Variants in USP15 observed in about 807,000 individuals in gnomAD.
USP15 encodes the protein ubiquitin carboxyl-terminal hydrolase 15.
USP15 carries 18 observed loss-of-function variants against 127.1 expected under a neutral mutation model. The observed-to-expected ratio is 0.14, with a 90% CI of 0.10 to 0.21. The LOEUF (loss-of-function observed/expected upper bound fraction) is 0.21. Among genes scored for constraint, USP15 ranks in the 10% least tolerant of loss-of-function variants. The pLI is 1.00. For missense variants in USP15, 805 were observed against 1,159.9 expected, an observed-to-expected ratio of 0.69 and a Z score of 4.44; for synonymous variants, 364 against 393.7, an observed-to-expected ratio of 0.92 and a Z score of 0.89.
rs932462782 is a variant in USP15 at position 62,393,271 on chromosome 12, A to G, written c.2570+69A>G. ...TCAAACTTATTTGATGCTTTTTGTT[A>G]TTATCCTTTAGTAAACATCAGGTGC... On this transcript the variant is annotated intron_variant, in intron 19 of 21. Transcript: ENST00000280377. The G allele has an allele frequency of 5.2e-6, 8 of 1,550,540 alleles. No homozygotes were observed. In the African/African-American group the frequency reaches 1.1e-4, roughly 21 times the overall value.
chr12:62,364,049 A>G (rs1245404835), intron 8 of USP15, among the ~76,000 whole-genome samples: 1 of 152,108 alleles, frequency 6.6e-6, no homozygotes, highest in Non-Finnish European at 1.5e-5. Flanking sequence ...AATGTAGATC[A>G]GAGGCCTAAG....
In USP15 at chr12:62,367,147, A is replaced by G. The variant is rs539347067; in HGVS notation, c.915+11672A>G. Among the ~76,000 whole-genome samples the G allele has an allele frequency of 1.4e-4, 21 of 152,228 alleles. No individual in the cohort carries two copies. In the East Asian group the frequency reaches 2.3e-3, roughly 17 times the overall value. ...TTTGTACCTCTGGTAGAATTCGGCTATGAATACATGTGGTCCTGGAATGTT... is the reference window on the plus strand; with the variant it reads ...TTTGTACCTCTGGTAGAATTCGGCTGTGAATACATGTGGTCCTGGAATGTT... On this transcript the variant is annotated intron_variant, in intron 8 of 21. Transcript: ENST00000280377.
intron 6 of USP15, among the ~76,000 whole-genome samples, chr12:62,330,585 CAAAAA>C (rs559515896): frequency 1.0e-5 from 1 of 95,446 alleles, no homozygotes; most frequent in African/African-American, 3.7e-5. Flanking sequence ...GACTCCATCT[CAAAAA>C]AAAAAAAAAA....
chr12:62,264,646 T>C (rs1223869672), intron 1 of USP15, among the ~76,000 whole-genome samples: 2 of 152,214 alleles, frequency 1.3e-5, no homozygotes, highest in African/African-American at 2.4e-5. Flanking sequence ...TTTTTAGAGC[T>C]TTCTGTCCAT....
chr12:62,405,720 T>C lies in USP15; in HGVS notation c.*1345T>C, dbSNP rs1466846533. On this transcript the variant is annotated 3_prime_UTR_variant, in exon 22 of 22. Transcript: ENST00000280377. The stretch of plus-strand genomic sequence containing the variant: ...TGAGAAATTGCTTTGTGTCCCACTG[T>C]TATTAAAGCAAAAAGTATAATGTTC... The C allele has an allele frequency of 6.6e-6, 1 of 152,596 alleles. No homozygotes were observed. The highest frequency in any genetic ancestry group is 2.4e-5 in the African/African-American group (1 of 41,460). The allele number at this position is 152,596 out of a possible 1,614,324, so 9.5% of individuals were successfully genotyped here.
chr12:62,325,800 C>G, intron 5 of USP15, 72 bp from the exon 6 acceptor site: 4 of 1,274,880 alleles, frequency 3.1e-6, no homozygotes, highest in Non-Finnish European at 4.4e-6. Flanking sequence ...CTTAGTTTAT[C>G]CAGCTATCTT....
At position 62,290,751 on chromosome 12, in the gene USP15, C is replaced by G. The variant is rs145315976; in HGVS notation, c.90-3428C>G. On this transcript the variant is annotated intron_variant, in intron 1 of 21. Coordinates refer to ENST00000280377, the MANE Select transcript of USP15 (RefSeq NM_001252078.2). ...ACATTTTTATGATGGCAAGTATTGA[C>G]CCTTCATTTCCATGTTTAGACTTCC... is the stretch of plus-strand genomic sequence containing the variant. Among the ~76,000 whole-genome samples the G allele has an allele frequency of 6.8e-4, 104 of 152,184 alleles. 1 individual carries two copies. Among genetic ancestry groups the G allele is most frequent in the African/African-American group, 2.3e-3 (96 of 41,520 alleles).
At chr12:62,286,861 C>T (rs543057331) in intron 1 of USP15, among the ~76,000 whole-genome samples, 137 of 151,100 alleles carry the variant, frequency 9.1e-4, no homozygotes, top group African/African-American at 2.2e-4. Flanking sequence ...CGCTTGAACC[C>T]GGGAGGTGGA....
In USP15 at chr12:62,344,276, G is replaced by T. The variant is rs897300726; in HGVS notation, c.684-4945G>T. ...TGGGTCAACACAGCCATTCCAAATG[G>T]GAGAAATTGGCCAAAACAAAGGGTC... On this transcript the variant is annotated intron_variant, in intron 6 of 21. Coordinates refer to ENST00000280377, the MANE Select transcript of USP15 (RefSeq NM_001252078.2). Among the ~76,000 whole-genome samples the T allele has an allele frequency of 2.0e-5, 3 of 152,138 alleles. No individual in the cohort carries two copies. The East Asian group carries it at 5.8e-4, about 29-fold the overall frequency.
chr12:62,375,628 T>G (rs2066804082), intron 8 of USP15, among the ~76,000 whole-genome samples: 1 of 152,180 alleles, frequency 6.6e-6, no homozygotes. Context: ...AGAAGAGATG[T>G]TGAAATAAGT....
chr12:62,296,841 G>A (rs2064144956), intron 2 of USP15, among the ~76,000 whole-genome samples: 2 of 152,180 alleles, frequency 1.3e-5, no homozygotes, highest in South Asian at 2.1e-4. Context: ...TCCCTTGGGG[G>A]AAAAGAGGGA....
At chr12:62,285,494 A>G (rs918987526) in intron 1 of USP15, among the ~76,000 whole-genome samples, 3 of 151,936 alleles carry the variant, frequency 2.0e-5, no homozygotes, top group African/African-American at 7.3e-5. Flanking sequence ...GTGTGTGTAC[A>G]TGAGTGTGCC....
At chr12:62,292,209 A>G (rs1046696404) in intron 1 of USP15, among the ~76,000 whole-genome samples, 5 of 152,010 alleles carry the variant, frequency 3.3e-5, no homozygotes, top group Non-Finnish European at 5.9e-5. Flanking sequence ...CAGGAATGTG[A>G]TGTTTCCCTC....
chr12:62,360,542 A>G (rs1379764765), intron 8 of USP15, among the ~76,000 whole-genome samples: 1 of 152,102 alleles, frequency 6.6e-6, no homozygotes, highest in African/African-American at 2.4e-5. Flanking sequence ...ATGTTACATT[A>G]CTTCAACTAG....
chr12:62,278,893 G>A (rs928933160), intron 1 of USP15, among the ~76,000 whole-genome samples: 28 of 152,132 alleles, frequency 1.8e-4, no homozygotes, highest in African/African-American at 5.1e-4. Flanking sequence ...CAGAATCATC[G>A]TATGGATATT....
chr12:62,381,307 G>T (rs940575750), intron 8 of USP15, among the ~76,000 whole-genome samples, 183 bp from the exon 9 acceptor site: 5 of 151,962 alleles, frequency 3.3e-5, no homozygotes, highest in African/African-American at 1.2e-4. Context: ...TTTGAAATTT[G>T]GGAAATGAAT....
intron 1 of USP15, among the ~76,000 whole-genome samples, chr12:62,289,215 C>CTTGTTGTTG (rs143937716): frequency 0.014 from 2,180 of 150,638 alleles, 13 homozygotes; most frequent in African/African-American, 0.021. Flanking sequence ...CTCTCCTGAG[C>CTTGTTGTTG]TTGTTGTTGT....
intron 8 of USP15, among the ~76,000 whole-genome samples, chr12:62,375,901 C>T (rs1370856030): frequency 6.6e-6 from 1 of 152,150 alleles, no homozygotes. Context: ...GCCATTGTTA[C>T]CTTTCCTTGT....
At chr12:62,267,887 T>C (rs1197187452) in intron 1 of USP15, among the ~76,000 whole-genome samples, 1 of 152,132 alleles carries the variant, frequency 6.6e-6, no homozygotes, top group Non-Finnish European at 1.5e-5. Context: ...ATTTCTGTTA[T>C]TTACCCATAT....
Sources: gnomAD v4.1 joint callset for allele counts (sites outside exome capture counted in the v4.1 genomes callset) on GRCh38, gnomAD v4.1.1 for gene constraint, MANE v1.5 for transcripts, NCBI Gene and HGNC (gene_info 2026-07-23, HGNC 2026-07-21) for gene names.